Variants in SUSD1 observed in about 807,000 individuals in gnomAD.
The protein encoded by SUSD1 is sushi domain containing 1, also known as sushi domain-containing protein 1.
SUSD1 carries 65 observed loss-of-function variants against 86.9 expected under a neutral mutation model. The observed-to-expected ratio is 0.75, with a 90% confidence interval of 0.61 to 0.92. The LOEUF (loss-of-function observed/expected upper bound fraction) is 0.92, where lower values mean the gene tolerates loss of function less well. SUSD1 is among the 40% of genes least tolerant of loss of function. The pLI is 0.00. For synonymous variants in SUSD1, 346 were observed against 350.0 expected, an observed-to-expected ratio of 0.99 and a Z score of 0.13; for missense variants, 850 against 929.7, an observed-to-expected ratio of 0.91 and a Z score of 1.11.
chr9:112,155,795 C>G (rs2131814262), intron 2 of SUSD1, among the ~76,000 whole-genome samples: 1 of 147,970 alleles, frequency 6.8e-6, no homozygotes, highest in South Asian at 2.1e-4. Context: ...GACCCTGTAT[C>G]TACTAAAAAT....
At chr9:112,149,898 A>G (rs1179272615) in intron 2 of SUSD1, among the ~76,000 whole-genome samples, 1 of 152,234 alleles carries the variant, frequency 6.6e-6, no homozygotes, top group Non-Finnish European at 1.5e-5. Flanking sequence ...CTAATGCAGA[A>G]GCAGGAATAG....
At chr9:112,063,520 T>C (rs1156410525) in intron 12 of SUSD1, among the ~76,000 whole-genome samples, 2 of 152,226 alleles carry the variant, frequency 1.3e-5, no homozygotes, top group African/African-American at 4.8e-5. Flanking sequence ...TGGTGAGTAT[T>C]ACAGTTTGCT....
At chr9:112,059,102 T>C (rs766165633) in intron 13 of SUSD1, among the ~76,000 whole-genome samples, 1 of 152,092 alleles carries the variant, frequency 6.6e-6, no homozygotes, top group Non-Finnish European at 1.5e-5. Flanking sequence ...GAAATAAGCC[T>C]CTTTCTAGGC....
At position 112,165,854 on chromosome 9, in the gene SUSD1, G is replaced by GA. The variant is rs1564357688; in HGVS notation, c.104-8242dup. Among the ~76,000 whole-genome samples, 19 of 86,538 alleles carry GA rather than the reference G, an allele frequency of 2.2e-4. No homozygotes were observed. In the East Asian group the frequency reaches 4.8e-3, roughly 22 times the overall value. The allele number at this position is 86,538 out of a possible 152,430, so 56.8% of individuals were successfully genotyped here. ...AAAGAGAAAGAAAGAAAGAGAAAGA[G>GA]AAGGAAGGAAGGAAGGAAGAAAGAG... On this transcript the variant is annotated intron_variant, in intron 1 of 16. Transcript: ENST00000374270.
intron 10 of SUSD1, among the ~76,000 whole-genome samples, chr9:112,080,700 A>G (rs577121175): frequency 1.2e-4 from 18 of 151,784 alleles, no homozygotes; most frequent in African/African-American, 2.2e-4. Flanking sequence ...GAAAAAAAAA[A>G]AAAAGAAAAG....
In SUSD1 at chr9:112,148,793, CTACT is replaced by C. The variant is rs369235303; in HGVS notation, c.373+447_373+450del. ...TGGTGGTGCGTGCCTGTAATCCCAG[CTACT>C]TAGGAAGCTGAGGCAGGAGAATCGC... On this transcript the variant is annotated intron_variant, in intron 3 of 16. Coordinates refer to ENST00000374270, the MANE Select transcript of SUSD1 (RefSeq NM_022486.5). 4.1e-3 allele frequency among the ~76,000 whole-genome samples: 625 copies of C among 152,080 alleles called. 2 individuals are homozygous for C. Among genetic ancestry groups the C allele is most frequent in the African/African-American group, 0.014 (601 of 41,514 alleles).
chr9:112,143,703 A>G (rs1374135553), intron 3 of SUSD1, 80 bp from the exon 4 acceptor site: 3 of 1,370,862 alleles, frequency 2.2e-6, no homozygotes, highest in South Asian at 1.5e-5. Flanking sequence ...TGTGACAGCC[A>G]TTTTTTCACA....
intron 9 of SUSD1, among the ~76,000 whole-genome samples, chr9:112,100,192 G>T (rs188181361): frequency 3.3e-5 from 5 of 151,956 alleles, no homozygotes; most frequent in African/African-American, 7.3e-5. Context: ...TAATTTTTTT[G>T]TTGTTGTTTT....
At chr9:112,066,358 AG>A (rs1157062712) in intron 12 of SUSD1, among the ~76,000 whole-genome samples, 3 of 152,212 alleles carry the variant, frequency 2.0e-5, no homozygotes. Flanking sequence ...TGACCCCAGG[AG>A]GGAGACCATA....
rs979346011 is a variant in SUSD1, at chr9:112,055,689, A to G, written c.2109+2739T>C. On this transcript the variant is annotated intron_variant, in intron 14 of 16. Coordinates refer to ENST00000374270, the MANE Select transcript of SUSD1 (RefSeq NM_022486.5). ...CAAAAGAACTGAAAGCAGGGGCTGA[A>G]ACAGATATTTGCATACCAATGTTCA... Among the ~76,000 whole-genome samples the G allele has an allele frequency of 2.6e-5, 4 of 152,342 alleles. No homozygotes were observed. In the South Asian group the frequency reaches 8.3e-4, roughly 32 times the overall value.
At chr9:112,069,898 C>A (rs917389578) in intron 12 of SUSD1, among the ~76,000 whole-genome samples, 2 of 152,200 alleles carry the variant, frequency 1.3e-5, no homozygotes, top group Admixed American at 6.5e-5. Context: ...GTTTTCAAGG[C>A]ACCACAGTCA....
intron 10 of SUSD1, among the ~76,000 whole-genome samples, chr9:112,093,393 G>C (rs1830278301): frequency 6.6e-6 from 1 of 152,182 alleles, no homozygotes; most frequent in Non-Finnish European, 1.5e-5. Context: ...GTCTCCAAGA[G>C]GTAAGCACCC....
intron 6 of SUSD1, among the ~76,000 whole-genome samples, chr9:112,114,576 A>G: frequency 6.6e-6 from 1 of 152,230 alleles, no homozygotes; most frequent in East Asian, 1.9e-4. Flanking sequence ...GTCACCAAAA[A>G]GGGATATTCC....
intron 3 of SUSD1, among the ~76,000 whole-genome samples, chr9:112,146,514 C>T (rs150229376): frequency 3.3e-5 from 5 of 152,200 alleles, no homozygotes; most frequent in East Asian, 3.9e-4. Flanking sequence ...AGGTCTAGTT[C>T]GGCTGACACC....
In SUSD1 at chr9:112,078,616, C is replaced by G; in HGVS notation, c.1675G>C (p.Gly559Arg). The G allele has an allele frequency of 6.2e-7, 1 of 1,613,916 alleles. No individual in the cohort carries two copies. Among genetic ancestry groups the G allele is most frequent in the Non-Finnish European group, 8.5e-7 (1 of 1,179,914 alleles). Reference protein sequence around the residue: ...DPEVCLDLRPGTNYNVSLRAL... With the variant: ...DPEVCLDLRPRTNYNVSLRAL... ...CGGAGACTGACATTGTAGTTGGTAC[C>G]CGGACGTAGGTCCAAGCACACCTCG... The change falls in exon 12 of 17, where the codon GGT (glycine) becomes CGT (arginine). Residue 559 changes from glycine to arginine, a missense_variant. Gly to Arg is a moderately radical substitution (Grantham distance 125). Coordinates refer to ENST00000374270, the MANE Select transcript of SUSD1 (RefSeq NM_022486.5).
At chr9:112,044,184 T>C (rs979808276) in intron 15 of SUSD1, among the ~76,000 whole-genome samples, 1 of 152,180 alleles carries the variant, frequency 6.6e-6, no homozygotes, top group African/African-American at 2.4e-5. Context: ...GTGACTTGAA[T>C]TGCAAGACAG....
At position 112,043,904 on chromosome 9, in the gene SUSD1, G is replaced by T. The variant is rs572708228; in HGVS notation, c.2150-1944C>A. ...CAACCTCCACCTCCCGGATTCAAGC[G>T]ATTCTCCTGCCCCAGTCTCCCTAGT... On this transcript the variant is annotated intron_variant, in intron 15 of 16. Coordinates refer to ENST00000374270, the MANE Select transcript of SUSD1 (RefSeq NM_022486.5). Among the ~76,000 whole-genome samples the T allele has an allele frequency of 1.6e-3, 244 of 152,092 alleles. 1 individual carries two copies. Among genetic ancestry groups the T allele is most frequent in the African/African-American group, 5.5e-3 (227 of 41,506 alleles).
intron 1 of SUSD1, among the ~76,000 whole-genome samples, chr9:112,172,565 A>G (rs556210619): frequency 6.6e-6 from 1 of 152,264 alleles, no homozygotes; most frequent in South Asian, 2.1e-4. Flanking sequence ...CCATAACAGC[A>G]CCTCAAATTC....
At chr9:112,128,390 G>A (rs888687948) in intron 5 of SUSD1, among the ~76,000 whole-genome samples, 17 of 151,356 alleles carry the variant, frequency 1.1e-4, no homozygotes, top group African/African-American at 3.9e-4. Context: ...CACCATGCCC[G>A]GCCTACAATC....
Sources: gnomAD v4.1 joint callset for allele counts (sites outside exome capture counted in the v4.1 genomes callset) on GRCh38, gnomAD v4.1.1 for gene constraint, MANE v1.5 for transcripts, NCBI Gene and HGNC (gene_info 2026-07-23, HGNC 2026-07-21) for gene names.